Variants in USP34 observed in about 807,000 individuals in gnomAD.
USP34 encodes the protein ubiquitin carboxyl-terminal hydrolase 34.
USP34 carries 70 observed loss-of-function variants against 460.3 expected under a neutral mutation model. That is an observed-to-expected ratio of 0.15 (90% confidence interval 0.13 to 0.19). The LOEUF is 0.19. USP34 is among the 10% of genes least tolerant of loss of function. USP34 has a pLI of 1.00. For synonymous variants in USP34, 1,647 were observed against 1,405.3 expected, an observed-to-expected ratio of 1.17 and a Z score of -3.85; for missense variants, 3,985 against 4,236.2, an observed-to-expected ratio of 0.94 and a Z score of 1.65.
chr2:61,360,965 C>CAATG (rs1692259385), intron 10 of USP34, among the ~76,000 whole-genome samples: 1 of 152,194 alleles, frequency 6.6e-6, no homozygotes, highest in South Asian at 2.1e-4. Flanking sequence ...CACCCAGCCT[C>CAATG]AATGGCATTC....
chr2:61,278,358 T>C (rs1179448939), intron 40 of USP34, 30 bp downstream of exon 40: 3 of 1,607,072 alleles, frequency 1.9e-6, no homozygotes, highest in Non-Finnish European at 2.5e-6. Context: ...TCCTCGACAA[T>C]ATAAATGTCA....
chr2:61,211,226 C>A (rs1687265317), intron 69 of USP34, among the ~76,000 whole-genome samples: 1 of 152,120 alleles, frequency 6.6e-6, no homozygotes, highest in South Asian at 2.1e-4. Context: ...AGATGTAATA[C>A]ATAGAAGAAT....
intron 78 of USP34, 121 bp downstream of exon 78, chr2:61,190,150 C>T: frequency 7.2e-7 from 1 of 1,396,246 alleles, no homozygotes; most frequent in African/African-American, 1.4e-5. Context: ...TTTTTTGTCG[C>T]ACATGGCTTA....
At chr2:61,280,874 A>C (rs1208582718) in intron 38 of USP34, among the ~76,000 whole-genome samples, 1 of 152,202 alleles carries the variant, frequency 6.6e-6, no homozygotes, top group Non-Finnish European at 1.5e-5. Flanking sequence ...TATCCATGAG[A>C]GACCACAGAG....
At chr2:61,212,440 T>A (rs1227155857) in intron 68 of USP34, among the ~76,000 whole-genome samples, 2 of 152,244 alleles carry the variant, frequency 1.3e-5, no homozygotes, top group African/African-American at 4.8e-5. Flanking sequence ...ACAAAGATTT[T>A]AAATGCCTAA....
chr2:61,383,653 G>A (rs1693046032), intron 5 of USP34, among the ~76,000 whole-genome samples: 1 of 152,122 alleles, frequency 6.6e-6, no homozygotes, highest in South Asian at 2.1e-4. Context: ...GCGGGGGGAA[G>A]AGGATGTGGT....
In USP34 at chr2:61,284,626, T is replaced by C. The variant is rs115531096; in HGVS notation, c.4832+249A>G. On this transcript the variant is annotated intron_variant, in intron 35 of 79. Transcript: ENST00000398571. ...ACAACAAAGTACTGGTGAACAGTCA[T>C]GATATCTGCAATTCAGTCTCAGAAG... Among the ~76,000 whole-genome samples, 621 of 152,274 alleles carry C rather than the reference T, an allele frequency of 4.1e-3. 1 individual carries two copies. Among genetic ancestry groups the C allele is most frequent in the Non-Finnish European group, 7.1e-3 (486 of 68,014 alleles).
intron 43 of USP34, among the ~76,000 whole-genome samples, chr2:61,263,757 C>T (rs1386493489): frequency 6.6e-6 from 1 of 152,158 alleles, no homozygotes; most frequent in African/African-American, 2.4e-5. Context: ...GCTGGGATTA[C>T]AGGCGTGAGC....
At chr2:61,412,203 A>G (rs1281918630) in intron 2 of USP34, among the ~76,000 whole-genome samples, 23 of 151,124 alleles carry the variant, frequency 1.5e-4, no homozygotes, top group African/African-American at 9.7e-5. Context: ...AAAAAAAAAA[A>G]AAAAGAAAAG....
intron 20 of USP34, among the ~76,000 whole-genome samples, chr2:61,328,083 G>A (rs1396336233): frequency 6.6e-6 from 1 of 151,828 alleles, no homozygotes; most frequent in Admixed American, 6.6e-5. Flanking sequence ...CGGGTGGATC[G>A]CCTGAGGTCA....
rs994504512 is a variant in USP34, at chr2:61,187,872, T to C, written c.*230A>G. 10 of 1,344,216 alleles carry C rather than the reference T, an allele frequency of 7.4e-6. No individual in the cohort carries two copies. The African/African-American group carries it at 1.0e-4, about 14-fold the overall frequency. The allele number at this position is 1,344,216 out of a possible 1,614,324, so 83.3% of individuals were successfully genotyped here. A position where few individuals can be genotyped will look rare whatever the true frequency, so the allele number is the denominator to read the frequency against. The stretch of plus-strand genomic sequence containing the variant: ...GAAAGCCACTAAAGTGAACTCTTAA[T>C]TACATAAAACATATCCATTATCTGA... On this transcript the variant is annotated 3_prime_UTR_variant, in exon 80 of 80. Transcript: ENST00000398571.
chr2:61,345,600 A>G (rs1223558512), intron 15 of USP34, among the ~76,000 whole-genome samples: 1 of 152,186 alleles, frequency 6.6e-6, no homozygotes, highest in African/African-American at 2.4e-5. Context: ...TAGCCCAGGA[A>G]ATCCTCACAA....
intron 62 of USP34, among the ~76,000 whole-genome samples, chr2:61,224,937 CATTT>C (rs1265619819): frequency 6.6e-6 from 1 of 152,144 alleles, no homozygotes; most frequent in Non-Finnish European, 1.5e-5. Context: ...ACTTCTCATT[CATTT>C]CTTTCCCAAG....
At chr2:61,445,488 T>C (rs1024469150) in intron 1 of USP34, among the ~76,000 whole-genome samples, 2 of 146,914 alleles carry the variant, frequency 1.4e-5, no homozygotes, top group East Asian at 2.0e-4. Flanking sequence ...TGAGCCGAGA[T>C]TGCGCCACTG....
At chr2:61,348,649 G>A in intron 14 of USP34, 107 bp downstream of exon 14, 3 of 1,460,630 alleles carry the variant, frequency 2.1e-6, no homozygotes, top group South Asian at 1.4e-5. Flanking sequence ...ATTACGTAAA[G>A]GAGAGGACAA....
intron 1 of USP34, among the ~76,000 whole-genome samples, chr2:61,439,270 G>T (rs1159614734): frequency 6.6e-6 from 1 of 152,114 alleles, no homozygotes; most frequent in African/African-American, 2.4e-5. Flanking sequence ...CAGGTTATGT[G>T]CCCCCTCCTC....
chr2:61,269,699 A>C (rs1429675832), intron 41 of USP34, among the ~76,000 whole-genome samples: 1 of 152,170 alleles, frequency 6.6e-6, no homozygotes, highest in Admixed American at 6.5e-5. Context: ...GCTGGCTTGC[A>C]ATCCATTACC....
At chr2:61,227,471 A>T (rs1687759430) in intron 61 of USP34, among the ~76,000 whole-genome samples, 1 of 152,080 alleles carries the variant, frequency 6.6e-6, no homozygotes, top group African/African-American at 2.4e-5. Flanking sequence ...AGCATTTTGG[A>T]AGGCTGAGGC....
rs182702220 is a variant in USP34 at position 61,260,272 on chromosome 2, A to T, written c.5779-496T>A. ...AAACTGTCTAAATATTCAACTATCA[A>T]TAAGTCAAATTCAGGAATCTGGCTA... On this transcript the variant is annotated intron_variant, in intron 43 of 79. Transcript: ENST00000398571. Among the ~76,000 whole-genome samples the T allele has an allele frequency of 3.9e-5, 6 of 152,366 alleles. 1 individual carries two copies. In the South Asian group the frequency reaches 1.2e-3, roughly 32 times the overall value.
Sources: gnomAD v4.1 joint callset for allele counts (sites outside exome capture counted in the v4.1 genomes callset) on GRCh38, gnomAD v4.1.1 for gene constraint, MANE v1.5 for transcripts, NCBI Gene and HGNC (gene_info 2026-07-23, HGNC 2026-07-21) for gene names.